Variants in NDUFV3 observed in about 807,000 individuals in gnomAD.
NDUFV3 encodes NADH dehydrogenase [ubiquinone] flavoprotein 3, mitochondrial.
Under a neutral mutation model 37.5 loss-of-function variants are expected in NDUFV3, and 44 were observed. The observed-to-expected ratio is 1.17, with a 90% CI of 0.92 to 1.51. The LOEUF (loss-of-function observed/expected upper bound fraction) is 1.51, where lower values mean the gene tolerates loss of function less well. NDUFV3 is among the 40% of genes most tolerant of loss of function. NDUFV3 has a pLI of 0.00. For synonymous variants in NDUFV3, 235 were observed against 239.3 expected, an observed-to-expected ratio of 0.98 and a Z score of 0.17; for missense variants, 580 against 580.4, an observed-to-expected ratio of 1.00 and a Z score of 0.01.
At chr21:42,898,317 C>G (rs1280537643) in intron 2 of NDUFV3, among the ~76,000 whole-genome samples, 1 of 152,110 alleles carries the variant, frequency 6.6e-6, no homozygotes, top group Non-Finnish European at 1.5e-5. Flanking sequence ...GGCTCTGGCT[C>G]TCTCTCCCAG....
At chr21:42,901,951 G>C (rs1411465156) in intron 2 of NDUFV3, among the ~76,000 whole-genome samples, 3 of 152,252 alleles carry the variant, frequency 2.0e-5, no homozygotes, top group Non-Finnish European at 4.4e-5. Context: ...GCTCACGCCT[G>C]TAATCCCAGC....
At position 42,909,023 on chromosome 21, in the gene NDUFV3, G is replaced by T; in HGVS notation, c.*2G>T. 1 of 1,613,390 alleles carries T rather than the reference G, an allele frequency of 6.2e-7. No individual in the cohort carries two copies. Among genetic ancestry groups the T allele is most frequent in the East Asian group, 2.2e-5 (1 of 44,886 alleles). ...GGCCGGGAGTCACCTCGACACTGAG[G>T]GCCCTCGGTGTGAAGATGAACCTTC... On this transcript the variant is annotated 3_prime_UTR_variant, in exon 4 of 4. Transcript: ENST00000354250.
chr21:42,897,178 T>C, intron 2 of NDUFV3, 131 bp downstream of exon 2: 1 of 1,036,848 alleles, frequency 9.6e-7, no homozygotes, highest in South Asian at 1.4e-5. Flanking sequence ...AGTGTCCAGA[T>C]TATACAAGAC....
In NDUFV3 at chr21:42,909,289, T is replaced by G; in HGVS notation, c.*268T>G. ...CCCAAGTAGGTGGGATTACAGGTAC[T>G]CACCACCAGGTCCAGCTAACTTTTG... On this transcript the variant is annotated 3_prime_UTR_variant, in exon 4 of 4. Transcript: ENST00000354250. 1 of 397,748 alleles carries G rather than the reference T, an allele frequency of 2.5e-6. No homozygotes were observed. Among genetic ancestry groups the G allele is most frequent in the Non-Finnish European group, 4.8e-6 (1 of 209,624 alleles). 24.6% of individuals were successfully genotyped at this position (397,748 alleles called of 1,614,324 possible). A position where few individuals can be genotyped will look rare whatever the true frequency, so the allele number is the denominator to read the frequency against.
chr21:42,905,579 A>G (rs1164519738), intron 3 of NDUFV3, among the ~76,000 whole-genome samples: 1 of 152,234 alleles, frequency 6.6e-6, no homozygotes, highest in Non-Finnish European at 1.5e-5. Context: ...ACAATGGCGC[A>G]ATCTTGGCTC....
chr21:42,901,679 C>A (rs1430161871), intron 2 of NDUFV3, among the ~76,000 whole-genome samples: 2 of 152,034 alleles, frequency 1.3e-5, no homozygotes, highest in Non-Finnish European at 2.9e-5. Context: ...AAGCACTCTT[C>A]CCATATCTCA....
intron 2 of NDUFV3, among the ~76,000 whole-genome samples, chr21:42,901,461 C>T (rs1341959328): frequency 2.0e-5 from 3 of 151,638 alleles, no homozygotes; most frequent in South Asian, 2.1e-4. Context: ...ATTACCCAGG[C>T]GTGGTGGCAC....
At chr21:42,897,794 G>A (rs985264934) in intron 2 of NDUFV3, among the ~76,000 whole-genome samples, 4 of 151,496 alleles carry the variant, frequency 2.6e-5, no homozygotes, top group South Asian at 2.1e-4. Flanking sequence ...CTCCTGCCTC[G>A]GCCTCCTGAG....
At chr21:42,906,857 C>G (rs752258027) in intron 3 of NDUFV3, 5 of 518,818 alleles carry the variant, frequency 9.6e-6, no homozygotes, top group Non-Finnish European at 1.5e-5. Context: ...TACACCACAC[C>G]GAAGATACTC....
At chr21:42,894,465 A>AATAT (rs1278199079) in intron 1 of NDUFV3, among the ~76,000 whole-genome samples, 1 of 27,314 alleles carries the variant, frequency 3.7e-5, no homozygotes, top group African/African-American at 8.8e-4. Flanking sequence ...TGTTTATATA[A>AATAT]ATATATATTA....
Position 42,909,395 on chromosome 21 carries a change from G to T in NDUFV3, c.*374G>T, listed in dbSNP as rs775422248. On this transcript the variant is annotated 3_prime_UTR_variant, in exon 4 of 4. Coordinates refer to ENST00000354250, the MANE Select transcript of NDUFV3 (RefSeq NM_021075.4). ...GACCTCAGATGGTCTGCCCACCTCC[G>T]CCTCCCAAAGTGCTGGGATTACAGG... is the stretch of plus-strand genomic sequence containing the variant. 7.4e-5 allele frequency: 23 copies of T among 309,610 alleles called. No individual in the cohort carries two copies. Among genetic ancestry groups the T allele is most frequent in the Non-Finnish European group, 1.3e-4 (21 of 157,992 alleles). The allele number at this position is 309,610 out of a possible 1,614,324, so 19.2% of individuals were successfully genotyped here. A position where few individuals can be genotyped will look rare whatever the true frequency, so the allele number is the denominator to read the frequency against.
At chr21:42,898,819 A>G (rs2058705942) in intron 2 of NDUFV3, among the ~76,000 whole-genome samples, 1 of 152,256 alleles carries the variant, frequency 6.6e-6, no homozygotes, top group Non-Finnish European at 1.5e-5. Flanking sequence ...ATGAACAATT[A>G]GTTGAATTTC....
intron 2 of NDUFV3, among the ~76,000 whole-genome samples, chr21:42,900,167 A>G (rs1213057793): frequency 6.6e-6 from 1 of 151,838 alleles, no homozygotes; most frequent in Non-Finnish European, 1.5e-5. Flanking sequence ...CCACTGCTGC[A>G]CTCCATCCTG....
chr21:42,896,378 G>A (rs1158944133), intron 1 of NDUFV3, among the ~76,000 whole-genome samples: 1 of 150,990 alleles, frequency 6.6e-6, no homozygotes, highest in Admixed American at 6.6e-5. Flanking sequence ...GGATAGTCTC[G>A]ATCTCCTGAC....
At chr21:42,906,352 C>G (rs1325617110) in intron 3 of NDUFV3, among the ~76,000 whole-genome samples, 1 of 152,116 alleles carries the variant, frequency 6.6e-6, no homozygotes, top group Non-Finnish European at 1.5e-5. Context: ...TACCGCCGCC[C>G]CTTGCCTTAT....
In NDUFV3 at chr21:42,909,017, A is replaced by G. The variant is rs758233279; in HGVS notation, c.1418A>G (p.His473Arg). 1.9e-6 allele frequency: 3 copies of G among 1,613,330 alleles called. No homozygotes were observed. In the East Asian group the frequency reaches 6.7e-5, roughly 36 times the overall value. Reference protein sequence around the residue: ...QPSSGRESPRH With the variant: ...QPSSGRESPRR ...TCCTCAGGCCGGGAGTCACCTCGAC[A>G]CTGAGGGCCCTCGGTGTGAAGATGA... Residue 473 changes from histidine (H) to arginine (R), a missense_variant, in exon 4 of 4, where the codon CAC becomes CGC. His to Arg is a conservative substitution (Grantham distance 29). Transcript: ENST00000354250.
At position 42,903,576 on chromosome 21, in the gene NDUFV3, A is replaced by G; in HGVS notation, c.564A>G (p.Pro188=). The change falls in exon 3 of 4, where the codon CCA becomes CCG. Residue 188 remains proline, a synonymous_variant. Transcript: ENST00000354250. ...VSKGRGGLRK[P]EASHSFENRA... is the part of the protein sequence containing the mutation. The stretch of plus-strand genomic sequence containing the variant: ...AAGGCAGAGGGGGGCTTCGAAAACC[A>G]GAGGCCTCTCATTCCTTTGAAAACA... The G allele has an allele frequency of 1.2e-6, 2 of 1,613,966 alleles. No individual in the cohort carries two copies. Among genetic ancestry groups the G allele is most frequent in the Non-Finnish European group, 8.5e-7 (1 of 1,180,018 alleles).
chr21:42,901,935 A>G (rs7277130), intron 2 of NDUFV3, among the ~76,000 whole-genome samples: 98,183 of 152,232 alleles, frequency 0.64, 33,355 homozygotes, highest in African/African-American at 0.85. Context: ...AATGCCGGGC[A>G]CGGTGGCTCA....
intron 1 of NDUFV3, among the ~76,000 whole-genome samples, chr21:42,895,482 A>C (rs183031611): frequency 6.6e-6 from 1 of 152,050 alleles, no homozygotes; most frequent in East Asian, 1.9e-4. Context: ...ACTCCATCTC[A>C]AAAAACAAAA....
Sources: gnomAD v4.1 joint callset for allele counts (sites outside exome capture counted in the v4.1 genomes callset) on GRCh38, gnomAD v4.1.1 for gene constraint, MANE v1.5 for transcripts, NCBI Gene and HGNC (gene_info 2026-07-23, HGNC 2026-07-21) for gene names.